Variants in WWC1 observed in about 807,000 individuals in gnomAD.
WWC1 encodes protein KIBRA.
A neutral mutation model predicts 138.4 loss-of-function variants in WWC1; 55 were observed. The ratio of observed to expected loss-of-function variants is 0.40; its 90% confidence interval spans 0.32 to 0.50. The LOEUF (loss-of-function observed/expected upper bound fraction) is 0.50. WWC1 is among the 20% of genes least tolerant of loss of function. The pLI, the probability that WWC1 is intolerant of heterozygous loss-of-function variation, is 0.72. For synonymous variants in WWC1, 524 were observed against 564.9 expected, an observed-to-expected ratio of 0.93 and a Z score of 1.03; for missense variants, 1,226 against 1,420.4, an observed-to-expected ratio of 0.86 and a Z score of 2.20.
intron 2 of WWC1, among the ~76,000 whole-genome samples, chr5:168,377,124 C>T (rs995688149): frequency 1.3e-5 from 2 of 152,060 alleles, no homozygotes; most frequent in African/African-American, 4.8e-5. Flanking sequence ...AGAATAAAGC[C>T]GCACACCTAC....
chr5:168,341,492 C>T (rs1321062128), intron 1 of WWC1, among the ~76,000 whole-genome samples: 5 of 152,130 alleles, frequency 3.3e-5, no homozygotes, highest in African/African-American at 9.7e-5. Context: ...CAGGCAGGAA[C>T]ACATCTTGCT....
At chr5:168,436,259 A>G (rs1782344013) in intron 15 of WWC1, among the ~76,000 whole-genome samples, 1 of 152,072 alleles carries the variant, frequency 6.6e-6, no homozygotes, top group African/African-American at 2.4e-5. Flanking sequence ...CATTTGCCAC[A>G]GTTGCTGACT....
chr5:168,358,216 A>G (rs1216193390), intron 1 of WWC1, among the ~76,000 whole-genome samples: 3 of 152,190 alleles, frequency 2.0e-5, no homozygotes, highest in South Asian at 4.1e-4. Flanking sequence ...TTGGTAGGCA[A>G]TGCACAGCTT....
At chr5:168,375,615 G>A (rs373453024) in intron 2 of WWC1, among the ~76,000 whole-genome samples, 6 of 151,236 alleles carry the variant, frequency 4.0e-5, no homozygotes, top group African/African-American at 1.5e-4. Flanking sequence ...TCGCTCTGTC[G>A]CCCAGGCTGG....
At chr5:168,318,005 G>A (rs1326881554) in intron 1 of WWC1, among the ~76,000 whole-genome samples, 3 of 152,104 alleles carry the variant, frequency 2.0e-5, no homozygotes, top group Non-Finnish European at 4.4e-5. Context: ...AGCTTCTATT[G>A]TGTAACTCCT....
At chr5:168,441,926 T>G in intron 16 of WWC1, 92 bp downstream of exon 16, 1 of 1,486,968 alleles carries the variant, frequency 6.7e-7, no homozygotes, top group Non-Finnish European at 9.0e-7. Flanking sequence ...TGATCAGGCG[T>G]CATGAGAGGA....
chr5:168,400,980 C>T (rs906471708), intron 5 of WWC1, among the ~76,000 whole-genome samples: 2 of 150,452 alleles, frequency 1.3e-5, no homozygotes, highest in Admixed American at 6.6e-5. Context: ...GACACCCTCT[C>T]TCCAAAGAAA....
In WWC1 at chr5:168,320,034, CT is replaced by C. The variant is rs199986266; in HGVS notation, c.119+27778del. ...GTGATGTTGAGCATTTATATATACA[CT>C]TTTTTTTTTTTTTTGAGATGGAGTT... On this transcript the variant is annotated intron_variant, in intron 1 of 22. Transcript: ENST00000265293. Among the ~76,000 whole-genome samples the C allele has an allele frequency of 7.9e-3, 1,117 of 140,560 alleles. 8 individuals carry two copies. Among genetic ancestry groups the C allele is most frequent in the African/African-American group, 0.023 (895 of 38,442 alleles). 92.2% of individuals were successfully genotyped at this position (140,560 alleles called of 152,430 possible).
chr5:168,314,060 A>G (rs1771355754), intron 1 of WWC1, among the ~76,000 whole-genome samples: 1 of 152,196 alleles, frequency 6.6e-6, no homozygotes, highest in Non-Finnish European at 1.5e-5. Context: ...AGAACACGGG[A>G]CAGCGGATGA....
chr5:168,395,331 G>C (rs1190220021), intron 3 of WWC1, among the ~76,000 whole-genome samples: 1 of 152,162 alleles, frequency 6.6e-6, no homozygotes, highest in African/African-American at 2.4e-5. Flanking sequence ...CCTTGAGGAC[G>C]TTTCTGTGTG....
chr5:168,399,502 G>C lies in WWC1; in HGVS notation c.525G>C (p.Lys175Asn). The change falls in exon 5 of 23, where the codon AAG becomes AAC. Residue 175 changes from lysine to asparagine, a missense_variant. Physicochemically the swap from Lys to Asn is moderately conservative, Grantham distance 94. Coordinates refer to ENST00000265293, the MANE Select transcript of WWC1 (RefSeq NM_015238.3). ...ATAKSRVNKL[K>N]REMVHLQHEL... is the part of the protein sequence containing the mutation. ...CTGCCCTCCAGGTCAACAAGCTGAA[G>C]AGAGAGATGGTTCACCTCCAGCACG... The C allele has an allele frequency of 1.2e-6, 2 of 1,614,180 alleles. No homozygotes were observed. The highest frequency in any genetic ancestry group is 1.7e-6 in the Non-Finnish European group (2 of 1,180,040).
At chr5:168,411,977 A>G (rs1238825592) in intron 8 of WWC1, 1 of 985,300 alleles carries the variant, frequency 1.0e-6, no homozygotes, top group Non-Finnish European at 1.2e-6. Flanking sequence ...CAGGTAGAAA[A>G]AAACAGATGT....
intron 1 of WWC1, among the ~76,000 whole-genome samples, chr5:168,318,731 T>C (rs1345625276): frequency 6.6e-6 from 1 of 152,112 alleles, no homozygotes; most frequent in Non-Finnish European, 1.5e-5. Flanking sequence ...GGCTAATTTT[T>C]GTATCTTTAG....
intron 3 of WWC1, among the ~76,000 whole-genome samples, chr5:168,386,376 TC>T (rs1434449421): frequency 1.1e-5 from 1 of 90,150 alleles, no homozygotes; most frequent in Non-Finnish European, 2.2e-5. Context: ...ATCCCCTTGT[TC>T]TTTTTTTTTT....
chr5:168,340,353 A>G (rs758282444), intron 1 of WWC1, among the ~76,000 whole-genome samples: 2 of 152,110 alleles, frequency 1.3e-5, no homozygotes, highest in African/African-American at 2.4e-5. Context: ...TGCGATTACA[A>G]TTCAACCATT....
At chr5:168,386,976 C>T (rs1322772713) in intron 3 of WWC1, among the ~76,000 whole-genome samples, 2 of 152,124 alleles carry the variant, frequency 1.3e-5, no homozygotes, top group African/African-American at 4.8e-5. Flanking sequence ...CCAAATTGTT[C>T]CTGTATTTAT....
At chr5:168,444,744 C>A (rs1301866763) in intron 17 of WWC1, among the ~76,000 whole-genome samples, 159 bp downstream of exon 17, 1 of 152,124 alleles carries the variant, frequency 6.6e-6, no homozygotes, top group Non-Finnish European at 1.5e-5. Flanking sequence ...GGCAATGTAA[C>A]CTAGTACGAT....
intron 1 of WWC1, among the ~76,000 whole-genome samples, chr5:168,339,146 G>T (rs527589302): frequency 2.0e-5 from 3 of 152,252 alleles, no homozygotes; most frequent in African/African-American, 7.2e-5. Context: ...GCTGAGAAAC[G>T]GTCTGGCTAT....
At chr5:168,359,036 G>T (rs886897976) in intron 1 of WWC1, among the ~76,000 whole-genome samples, 123 of 16,928 alleles carry the variant, frequency 7.3e-3, no homozygotes, top group African/African-American at 0.015. Context: ...GTGGTGGGGT[G>T]TGTGTGTGTG....
Sources: gnomAD v4.1 joint callset for allele counts (sites outside exome capture counted in the v4.1 genomes callset) on GRCh38, gnomAD v4.1.1 for gene constraint, MANE v1.5 for transcripts, NCBI Gene and HGNC (gene_info 2026-07-23, HGNC 2026-07-21) for gene names.